DMD: variants seen among roughly 807,000 people sequenced by gnomAD.
DMD encodes the protein mutant dystrophin.
In DMD, 63 loss-of-function variants were observed where a neutral mutation model predicts 330.1. That is an observed-to-expected ratio of 0.19 (90% confidence interval 0.16 to 0.24). The LOEUF (loss-of-function observed/expected upper bound fraction) is 0.24, where lower values mean the gene tolerates loss of function less well. Ranked by LOEUF, DMD falls within the 10% of genes least tolerant of loss-of-function variation. DMD has a pLI of 1.00. For synonymous variants in DMD, 1,223 were observed against 959.8 expected (o/e 1.27, Z -5.07); for missense variants, 3,344 against 2,684.1 (o/e 1.25, Z -5.43).
At position 32,463,545 on chromosome X, in the gene DMD, T is replaced by C. The variant is rs200596739; in HGVS notation, c.3326A>G (p.Asn1109Ser). The stretch of plus-strand genomic sequence containing the variant: ...ATTCTTTATCTTCTGCCCACCTTCA[T>C]TGACACTGTTTAGACTGGGCTGAAT... Reference protein sequence around the residue: ...QTIQPSLNSVNEGGQKIKNEA... With the variant: ...QTIQPSLNSVSEGGQKIKNEA... The change falls in exon 25 of 79, where the codon AAT becomes AGT. Residue 1109 changes from asparagine (N) to serine (S), a missense_variant. Transcript: ENST00000357033. 53 of 1,198,708 alleles carry C rather than the reference T, an allele frequency of 4.4e-5. No homozygotes were observed. The highest frequency in any genetic ancestry group is 5.3e-5 in the Non-Finnish European group (47 of 888,656).
At chrX:32,336,240 ACTC>A (rs779017193) in intron 41 of DMD, among the ~76,000 whole-genome samples, 104 of 109,141 alleles carry the variant, frequency 9.5e-4, no homozygotes, top group South Asian at 1.2e-3. Flanking sequence ...CTGATCTGGA[ACTC>A]CTCCTCAAGT....
intron 4 of DMD, among the ~76,000 whole-genome samples, chrX:32,829,409 G>C (rs188056987): frequency 6.3e-5 from 7 of 111,245 alleles, no homozygotes; most frequent in Non-Finnish European, 5.7e-5. Context: ...TTGCAAAATT[G>C]TTATAAAATT....
intron 60 of DMD, among the ~76,000 whole-genome samples, chrX:31,417,434 G>A (rs2061931425): frequency 9.1e-6 from 1 of 109,577 alleles, no homozygotes; most frequent in African/African-American, 3.3e-5. Flanking sequence ...TGGGACTACG[G>A]GTGTGCACCA....
chrX:32,519,698 G>C (rs1483269418), intron 17 of DMD, among the ~76,000 whole-genome samples: 2 of 111,696 alleles, frequency 1.8e-5, no homozygotes, highest in East Asian at 5.6e-4. Flanking sequence ...CATTAAACCA[G>C]TTATATCACA....
intron 39 of DMD, 36 bp downstream of exon 39, chrX:32,345,907 C>G: frequency 8.3e-7 from 1 of 1,198,831 alleles, no homozygotes; most frequent in Non-Finnish European, 1.1e-6. Flanking sequence ...AAAAAAAAAC[C>G]ACAGGCAAGG....
At chrX:32,405,219 T>G (rs2098110960) in intron 30 of DMD, among the ~76,000 whole-genome samples, 1 of 111,775 alleles carries the variant, frequency 8.9e-6, no homozygotes, top group Non-Finnish European at 1.9e-5. Flanking sequence ...AAGATTTGAT[T>G]TGATTGCTCC....
intron 17 of DMD, among the ~76,000 whole-genome samples, chrX:32,530,598 C>A (rs228348): frequency 1.8e-5 from 2 of 111,076 alleles, no homozygotes; most frequent in South Asian, 7.5e-4. Flanking sequence ...AGGTAAGAAA[C>A]CCCCACAAAT....
chrX:32,846,182 T>C (rs193001182), intron 3 of DMD, among the ~76,000 whole-genome samples: 75 of 111,833 alleles, frequency 6.7e-4, no homozygotes, highest in Non-Finnish European at 2.6e-4. Flanking sequence ...ATCCCCGCCT[T>C]GCAAGGCAGT....
intron 1 of DMD, among the ~76,000 whole-genome samples, chrX:33,320,394 A>T (rs1429249764): frequency 8.9e-6 from 1 of 112,235 alleles, no homozygotes; most frequent in Non-Finnish European, 1.9e-5. Flanking sequence ...CACCAAAATA[A>T]AGTGAGTCAC....
chrX:32,540,316 G>T (rs986829132), intron 17 of DMD, among the ~76,000 whole-genome samples: 1 of 111,406 alleles, frequency 9.0e-6, no homozygotes, highest in South Asian at 3.7e-4. Context: ...TCAGTGTAAA[G>T]AGAAAAATTT....
At chrX:33,271,493 G>A (rs1252328397) in intron 1 of DMD, among the ~76,000 whole-genome samples, 2 of 111,529 alleles carry the variant, frequency 1.8e-5, no homozygotes, top group African/African-American at 6.5e-5. Context: ...AAGGCTGGGC[G>A]CGGTGGCTCA....
chrX:31,931,878 A>G (rs765496875), intron 46 of DMD, among the ~76,000 whole-genome samples: 1 of 111,068 alleles, frequency 9.0e-6, no homozygotes, highest in Non-Finnish European at 1.9e-5. Context: ...ATATAAATAC[A>G]CACACACACA....
intron 7 of DMD, among the ~76,000 whole-genome samples, chrX:32,788,144 T>G (rs12116239): frequency 0.035 from 3,948 of 111,655 alleles, 157 homozygotes; most frequent in African/African-American, 0.12. Flanking sequence ...TAGGTTAATC[T>G]GATGCTGCCT....
intron 52 of DMD, among the ~76,000 whole-genome samples, chrX:31,682,540 C>A (rs989545202): frequency 1.1e-4 from 12 of 112,046 alleles, no homozygotes; most frequent in Non-Finnish European, 2.3e-4. Flanking sequence ...TTTAAGTGTT[C>A]TGAAATATTC....
intron 47 of DMD, among the ~76,000 whole-genome samples, chrX:31,886,296 G>A (rs897523161): frequency 1.6e-4 from 18 of 110,981 alleles, no homozygotes; most frequent in African/African-American, 4.9e-4. Flanking sequence ...AAATATGGGA[G>A]GCTATTCTTA....
intron 62 of DMD, among the ~76,000 whole-genome samples, chrX:31,314,602 T>C (rs764208514): frequency 9.0e-6 from 1 of 111,694 alleles, no homozygotes; most frequent in African/African-American, 3.3e-5. Context: ...ATCTAGGACC[T>C]GCTCTTAGAA....
chrX:31,190,287 C>A (rs2042189967), intron 67 of DMD, among the ~76,000 whole-genome samples: 1 of 111,120 alleles, frequency 9.0e-6, no homozygotes, highest in South Asian at 3.9e-4. Flanking sequence ...TTTACATAAG[C>A]TGCTTGGAAA....
chrX:31,431,946 T>C (rs1300266664), intron 60 of DMD, among the ~76,000 whole-genome samples: 1 of 108,869 alleles, frequency 9.2e-6, no homozygotes, highest in East Asian at 2.9e-4. Flanking sequence ...TCCTGAGTAG[T>C]TGGGATTACA....
chrX:32,802,993 G>T (rs961506388), intron 7 of DMD, among the ~76,000 whole-genome samples: 1 of 111,692 alleles, frequency 9.0e-6, no homozygotes, highest in African/African-American at 3.3e-5. Flanking sequence ...AAATGAGTTA[G>T]GGAGGAGTCC....
Sources: allele counts gnomAD v4.1 joint callset (sites outside exome capture counted in the v4.1 genomes callset), GRCh38; gene constraint gnomAD v4.1.1; transcripts MANE v1.5; gene names NCBI Gene and HGNC (gene_info 2026-07-23, HGNC 2026-07-21).